The following GABPA variants were observed in gnomAD, a reference collection of about 807,000 sequenced individuals.
GABPA encodes GA binding protein transcription factor subunit alpha, also known as GA-binding protein alpha chain.
In GABPA, 4 loss-of-function variants were observed where a neutral mutation model predicts 59.4. The ratio of observed to expected loss-of-function variants is 0.07; its 90% CI spans 0.03 to 0.15. The LOEUF is 0.15. Ranked by LOEUF, GABPA falls within the 10% of genes least tolerant of loss-of-function variation. GABPA has a pLI of 1.00. For missense variants in GABPA, 251 were observed against 543.8 expected (o/e 0.46, Z 5.36); for synonymous variants, 164 against 183.1 (o/e 0.90, Z 0.84).
At chr21:25,754,661 T>C (rs1248634121) in intron 5 of GABPA, among the ~76,000 whole-genome samples, 1 of 152,238 alleles carries the variant, frequency 6.6e-6, no homozygotes, top group African/African-American at 2.4e-5. Context: ...TATATCTGTT[T>C]CTTGTGGATT....
At chr21:25,762,457 T>C (rs923345360) in intron 7 of GABPA, 92 bp downstream of exon 7, 2 of 919,116 alleles carry the variant, frequency 2.2e-6, no homozygotes, top group East Asian at 5.4e-5. Context: ...TTTAAAAAAA[T>C]TTTTTTTCTA....
chr21:25,764,259 T>G lies in GABPA; in HGVS notation c.852T>G (p.Ile284Met). 1.2e-6 allele frequency: 2 copies of G among 1,611,834 alleles called. No individual in the cohort carries two copies. Among genetic ancestry groups the G allele is most frequent in the Non-Finnish European group, 1.7e-6 (2 of 1,178,952 alleles). Residue 284 changes from isoleucine to methionine, a missense_variant, in exon 8 of 10, where the codon ATT (isoleucine) becomes ATG (methionine). Around this residue, in one of 4 missense-constraint regions of GABPA, gnomAD observed 207 missense variants for 366.7 expected, o/e 0.56. Transcript: ENST00000400075. The stretch of plus-strand genomic sequence containing the variant: ...TGCAATCTGCTACACCTACTACCAT[T>G]AAAGTTATAAATAGTAGTGCGAAAG... ...ASVQSATPTT[I>M]KVINSSAKAA...
chr21:25,746,189 A>G (rs1037799557), intron 3 of GABPA, among the ~76,000 whole-genome samples: 6 of 151,794 alleles, frequency 4.0e-5, no homozygotes, highest in Non-Finnish European at 5.9e-5. Flanking sequence ...TAATTTTCGT[A>G]TTTTTAGTAG....
intron 2 of GABPA, among the ~76,000 whole-genome samples, chr21:25,744,824 A>G (rs1448605184): frequency 6.6e-6 from 1 of 152,190 alleles, no homozygotes; most frequent in Admixed American, 6.5e-5. Flanking sequence ...ATTGACTAGT[A>G]GAGATGGCAT....
intron 3 of GABPA, among the ~76,000 whole-genome samples, chr21:25,748,601 C>T (rs1035829623): frequency 6.6e-6 from 1 of 152,064 alleles, no homozygotes; most frequent in African/African-American, 2.4e-5. Context: ...AAACCCTTAT[C>T]TTCAATATGT....
chr21:25,756,609 C>T (rs1039767932), intron 5 of GABPA, among the ~76,000 whole-genome samples: 15 of 152,152 alleles, frequency 9.9e-5, no homozygotes, highest in African/African-American at 2.2e-4. Context: ...TTCTTGGCTG[C>T]GCTCAGGTTT....
At chr21:25,745,441 CTT>C in intron 3 of GABPA, 87 bp downstream of exon 3, 3 of 1,220,304 alleles carry the variant, frequency 2.5e-6, no homozygotes, top group African/African-American at 3.0e-5. Flanking sequence ...TAGCTATAGA[CTT>C]TATCTCTGTA....
At chr21:25,741,394 A>G (rs994225782) in intron 1 of GABPA, among the ~76,000 whole-genome samples, 179 bp from the exon 2 acceptor site, 6 of 151,892 alleles carry the variant, frequency 4.0e-5, no homozygotes, top group Non-Finnish European at 5.9e-5. Flanking sequence ...TTGGCCTCCC[A>G]AAGTCCTGGG....
intron 5 of GABPA, 197 bp downstream of exon 5, chr21:25,752,431 A>G (rs2035536526): frequency 1.7e-6 from 1 of 592,166 alleles, no homozygotes; most frequent in Admixed American, 3.2e-5. Flanking sequence ...CAGGAAATAC[A>G]AAGAAGTCTA....
rs1270558677 is a variant in GABPA at position 25,771,304 on chromosome 21, GA to G, written c.*2074del. 3 of 151,426 alleles carry G rather than the reference GA, an allele frequency of 2.0e-5. No individual in the cohort carries two copies. The highest frequency in any genetic ancestry group is 1.3e-4 in the Admixed American group (2 of 15,174). The allele number at this position is 151,426 out of a possible 1,614,324, so 9.4% of individuals were successfully genotyped here. ...TAAAAACATTACTTTTAGATCCCTA[GA>G]ATGAAAATTTTTTTCTCATCTATGC... On this transcript the variant is annotated 3_prime_UTR_variant, in exon 10 of 10. Transcript: ENST00000400075.
In GABPA at chr21:25,735,009, GAC is replaced by G; in HGVS notation, c.-594_-593del. ...CTCACCGGACAGGAAGCGTCTCGGA[GAC>G]AGTCTGCGACCGGACGGGTCTAGGT... On this transcript the variant is annotated 5_prime_UTR_variant, in exon 1 of 10. Coordinates refer to ENST00000400075, the MANE Select transcript of GABPA (RefSeq NM_002040.4). The G allele has an allele frequency of 6.5e-7, 1 of 1,534,392 alleles. No individual in the cohort carries two copies. The highest frequency in any genetic ancestry group is 8.8e-7 in the Non-Finnish European group (1 of 1,136,524).
intron 2 of GABPA, among the ~76,000 whole-genome samples, chr21:25,743,410 A>T (rs2035275713): frequency 6.6e-6 from 1 of 152,176 alleles, no homozygotes; most frequent in Non-Finnish European, 1.5e-5. Context: ...ATGCATGCAC[A>T]CAGATGGTCC....
chr21:25,765,085 G>A (rs1311986873), intron 9 of GABPA, among the ~76,000 whole-genome samples: 2 of 151,812 alleles, frequency 1.3e-5, no homozygotes, highest in African/African-American at 4.8e-5. Context: ...GATGAATTGA[G>A]TGTTAGTTTT....
intron 9 of GABPA, among the ~76,000 whole-genome samples, chr21:25,767,317 TTTTG>T (rs909345770): frequency 7.9e-5 from 12 of 152,098 alleles, no homozygotes; most frequent in African/African-American, 2.9e-4. Flanking sequence ...TTCTGTGTCC[TTTTG>T]TTTGTGTGAT....
rs1310076935 is a variant in GABPA at position 25,769,615 on chromosome 21, T to C, written c.*383T>C. 2 of 161,488 alleles carry C rather than the reference T, an allele frequency of 1.2e-5. No homozygotes were observed. Among genetic ancestry groups the C allele is most frequent in the Non-Finnish European group, 2.7e-5 (2 of 73,094 alleles). The allele number at this position is 161,488 out of a possible 1,614,324, so 10.0% of individuals were successfully genotyped here. A position where few individuals can be genotyped will look rare whatever the true frequency, so the allele number is the denominator to read the frequency against. On this transcript the variant is annotated 3_prime_UTR_variant, in exon 10 of 10. Transcript: ENST00000400075. ...TCTGGCTTAACTATTTTTGAAAATA[T>C]AACTGTTTCCCCTCTCTGCTGCTTT...
chr21:25,762,421 C>G (rs2146094354), intron 7 of GABPA, 56 bp downstream of exon 7: 1 of 1,231,832 alleles, frequency 8.1e-7, no homozygotes, highest in South Asian at 1.5e-5. Context: ...TTATTTGATA[C>G]CGCAAGGTAA....
chr21:25,764,161 TC>T, intron 7 of GABPA, 48 bp from the exon 8 acceptor site: 5 of 1,500,964 alleles, frequency 3.3e-6, no homozygotes, highest in South Asian at 1.3e-5. Flanking sequence ...TTTTTTTTTT[TC>T]CTGCTTGTAT....
intron 1 of GABPA, among the ~76,000 whole-genome samples, chr21:25,737,952 AC>A (rs1264532093): frequency 3.3e-5 from 5 of 152,224 alleles, no homozygotes; most frequent in Non-Finnish European, 7.3e-5. Context: ...TTTGATTAAT[AC>A]TTTCTTAAAA....
intron 1 of GABPA, among the ~76,000 whole-genome samples, chr21:25,736,245 T>C (rs1368749215): frequency 6.6e-6 from 1 of 152,208 alleles, no homozygotes; most frequent in African/African-American, 2.4e-5. Flanking sequence ...ATGCCTAATA[T>C]TGCATTGCAA....
Sources: gnomAD v4.1 joint callset for allele counts (sites outside exome capture counted in the v4.1 genomes callset) on GRCh38, gnomAD v4.1.1 for gene constraint, gnomAD v4.1.1 regional missense constraint, MANE v1.5 for transcripts, NCBI Gene and HGNC (gene_info 2026-07-23, HGNC 2026-07-21) for gene names.